TLL1: variants seen among roughly 807,000 people sequenced by gnomAD.
TLL1 encodes the protein tolloid like 1.
A neutral mutation model predicts 128.2 loss-of-function variants in TLL1; 49 were observed. The observed-to-expected ratio is 0.38, with a 90% confidence interval of 0.30 to 0.48. The LOEUF (loss-of-function observed/expected upper bound fraction) is 0.48, where lower values mean the gene tolerates loss of function less well. Among genes scored for constraint, TLL1 ranks in the 20% least tolerant of loss-of-function variants. The pLI is 0.96. For missense variants in TLL1, 1,123 were observed against 1,242.0 expected (o/e 0.90, Z 1.44); for synonymous variants, 454 against 418.8 (o/e 1.08, Z -1.03).
intron 1 of TLL1, among the ~76,000 whole-genome samples, chr4:165,878,301 A>G (rs530409364): frequency 6.6e-6 from 1 of 151,928 alleles, no homozygotes; most frequent in South Asian, 2.1e-4. Flanking sequence ...TTAAAAATGC[A>G]TTTCATAGAG....
At chr4:165,952,659 C>A (rs1282779437) in intron 1 of TLL1, among the ~76,000 whole-genome samples, 1 of 152,006 alleles carries the variant, frequency 6.6e-6, no homozygotes, top group African/African-American at 2.4e-5. Flanking sequence ...CTTCTAAGGA[C>A]ACCAACAGTT....
chr4:165,894,401 A>G (rs1254709134), intron 1 of TLL1, among the ~76,000 whole-genome samples: 1 of 152,180 alleles, frequency 6.6e-6, no homozygotes, highest in East Asian at 1.9e-4. Flanking sequence ...AAGCAATGCA[A>G]ACTGGTACTT....
At chr4:165,942,463 C>G (rs1734062459) in intron 1 of TLL1, among the ~76,000 whole-genome samples, 1 of 151,896 alleles carries the variant, frequency 6.6e-6, no homozygotes. Flanking sequence ...TTTTGTCTAT[C>G]TCCATGATTG....
chr4:166,054,226 T>A (rs1000178604), intron 12 of TLL1, among the ~76,000 whole-genome samples: 10 of 152,112 alleles, frequency 6.6e-5, no homozygotes, highest in Non-Finnish European at 1.5e-4. Context: ...TATATAGTAG[T>A]CTTTCTCTAC....
At chr4:166,063,497 A>G (rs990967248) in intron 15 of TLL1, among the ~76,000 whole-genome samples, 2 of 152,170 alleles carry the variant, frequency 1.3e-5, no homozygotes, top group East Asian at 3.9e-4. Flanking sequence ...CGGGGTATAT[A>G]CCCAAAGGAT....
At chr4:165,947,063 T>TA (rs1190519634) in intron 1 of TLL1, among the ~76,000 whole-genome samples, 1 of 152,080 alleles carries the variant, frequency 6.6e-6, no homozygotes, top group African/African-American at 2.4e-5. Flanking sequence ...CTGGGTGGAA[T>TA]AAAAACAAAT....
intron 18 of TLL1, among the ~76,000 whole-genome samples, chr4:166,080,008 C>T (rs976298150): frequency 6.6e-6 from 1 of 152,076 alleles, no homozygotes; most frequent in African/African-American, 2.4e-5. Context: ...TTATAGTTTC[C>T]ATTTGTGGTA....
intron 1 of TLL1, among the ~76,000 whole-genome samples, chr4:165,967,569 T>C (rs747829449): frequency 6.6e-6 from 1 of 152,182 alleles, no homozygotes; most frequent in Non-Finnish European, 1.5e-5. Context: ...ACAACAAAGA[T>C]GGAAATATTT....
intron 1 of TLL1, among the ~76,000 whole-genome samples, chr4:165,950,732 T>C (rs1041443419): frequency 7.2e-5 from 11 of 152,068 alleles, no homozygotes; most frequent in African/African-American, 2.7e-4. Context: ...AAAATATATA[T>C]GCAACATCAA....
Position 166,099,230 on chromosome 4 carries a change from G to A in TLL1, c.2657-47G>A, listed in dbSNP as rs370421042. The A allele has an allele frequency of 5.1e-5, 82 of 1,612,598 alleles. No homozygotes were observed. In the Admixed American group the frequency reaches 5.8e-4, roughly 11 times the overall value. ...CTACACTGAAATTTAAATTGGACCCGTTAAAGCTCATTGACCTTACTCATC... is the reference window on the plus strand; with the variant it reads ...CTACACTGAAATTTAAATTGGACCCATTAAAGCTCATTGACCTTACTCATC... On this transcript the variant is annotated intron_variant, in intron 19 of 20. Transcript: ENST00000061240.
At chr4:165,946,657 T>C (rs1734264901) in intron 1 of TLL1, among the ~76,000 whole-genome samples, 1 of 152,120 alleles carries the variant, frequency 6.6e-6, no homozygotes, top group African/African-American at 2.4e-5. Context: ...TCATTCTTTA[T>C]TAAGGCAGTA....
At chr4:166,033,529 A>G (rs375360246) in intron 9 of TLL1, among the ~76,000 whole-genome samples, 2 of 152,296 alleles carry the variant, frequency 1.3e-5, no homozygotes, top group Admixed American at 6.5e-5. Flanking sequence ...TATTTTGGGC[A>G]AGAGAAAAAT....
intron 12 of TLL1, among the ~76,000 whole-genome samples, chr4:166,048,276 C>T (rs1739554117): frequency 6.7e-6 from 1 of 149,972 alleles, no homozygotes; most frequent in Non-Finnish European, 1.5e-5. Flanking sequence ...GAGCTTCTAC[C>T]ATGTGAGGGC....
At chr4:166,075,998 C>A (rs1374608321) in intron 17 of TLL1, among the ~76,000 whole-genome samples, 2 of 152,036 alleles carry the variant, frequency 1.3e-5, no homozygotes, top group African/African-American at 4.8e-5. Flanking sequence ...ATATCCATAA[C>A]TTGGTAAGAT....
intron 7 of TLL1, among the ~76,000 whole-genome samples, chr4:166,010,038 A>G (rs1005193336): frequency 6.6e-6 from 1 of 151,324 alleles, no homozygotes; most frequent in Non-Finnish European, 1.5e-5. Context: ...ATATTTGACT[A>G]CTTTTGATAT....
chr4:166,052,965 G>GTGTATATATA, intron 12 of TLL1, among the ~76,000 whole-genome samples: 1,087 of 99,674 alleles, frequency 0.011, 132 homozygotes, highest in South Asian at 0.052. Flanking sequence ...GAGGTTATGT[G>GTGTATATATA]TATATATATA....
chr4:165,882,718 A>C (rs1485688271), intron 1 of TLL1, among the ~76,000 whole-genome samples: 1 of 152,042 alleles, frequency 6.6e-6, no homozygotes, highest in Non-Finnish European at 1.5e-5. Context: ...TCCCAGGTTC[A>C]AGGGATTCTC....
chr4:166,063,295 C>T lies in TLL1; in HGVS notation c.2008-2388C>T, dbSNP rs867350815. Among the ~76,000 whole-genome samples the T allele has an allele frequency of 3.3e-5, 5 of 152,204 alleles. No individual in the cohort carries two copies. In the Middle Eastern group the frequency reaches 0.014, roughly 414 times the overall value. On this transcript the variant is annotated intron_variant, in intron 15 of 20. Coordinates refer to ENST00000061240, the MANE Select transcript of TLL1 (RefSeq NM_012464.5). ...GCAAATCAAAACCACAATGAGATAC[C>T]ATCTCACACCAGTTAGAATGGTGAT...
rs781439819 is a variant in TLL1 at position 166,057,260 on chromosome 4, T to C, written c.1797T>C (p.Cys599=). ...RCLNTLGSYQ[C]ACEPGYELGP... ...TGAACACTCTGGGCAGTTACCAGTG[T>C]GCCTGTGAGCCTGGCTATGAGCTGG... is the stretch of plus-strand genomic sequence containing the variant. The change falls in exon 14 of 21, where the codon TGT becomes TGC. Residue 599 remains cysteine (C), a synonymous_variant. Coordinates refer to ENST00000061240, the MANE Select transcript of TLL1 (RefSeq NM_012464.5). 6.2e-7 allele frequency: 1 copy of C among 1,613,996 alleles called. No individual in the cohort carries two copies. The highest frequency in any genetic ancestry group is 8.5e-7 in the Non-Finnish European group (1 of 1,179,962).
Sources: gnomAD v4.1 joint callset for allele counts (sites outside exome capture counted in the v4.1 genomes callset) on GRCh38, gnomAD v4.1.1 for gene constraint, MANE v1.5 for transcripts, NCBI Gene and HGNC (gene_info 2026-07-23, HGNC 2026-07-21) for gene names.